PCDH9: variants seen among roughly 807,000 people sequenced by gnomAD.
PCDH9 encodes the protein protocadherin 9.
In PCDH9, 24 loss-of-function variants were observed where a neutral mutation model predicts 70.6. The observed-to-expected ratio is 0.34, with a 90% CI of 0.25 to 0.48. The LOEUF (loss-of-function observed/expected upper bound fraction) is 0.48. PCDH9 is among the 20% of genes least tolerant of loss of function. PCDH9 has a pLI of 0.99. For synonymous variants in PCDH9, 562 were observed against 558.5 expected (o/e 1.01, Z -0.09); for missense variants, 1,281 against 1,503.6 (o/e 0.85, Z 2.45).
intron 2 of PCDH9, among the ~76,000 whole-genome samples, chr13:67,006,208 C>G (rs1280168576): frequency 1.3e-5 from 2 of 151,960 alleles, no homozygotes; most frequent in Non-Finnish European, 2.9e-5. Flanking sequence ...GCCTGGGCGA[C>G]AGAGAGAGAC....
At chr13:67,183,885 C>T (rs1484962685) in intron 2 of PCDH9, among the ~76,000 whole-genome samples, 5 of 152,066 alleles carry the variant, frequency 3.3e-5, no homozygotes, top group African/African-American at 1.2e-4. Context: ...TATTATGTCC[C>T]TTTGGTGAGT....
chr13:66,683,357 C>T (rs571061080), intron 3 of PCDH9, among the ~76,000 whole-genome samples: 2 of 152,248 alleles, frequency 1.3e-5, no homozygotes, highest in South Asian at 2.1e-4. Context: ...TACCACATTG[C>T]CTTCAATAGC....
intron 4 of PCDH9, among the ~76,000 whole-genome samples, chr13:66,362,170 A>G (rs1201513532): frequency 2.0e-5 from 3 of 152,174 alleles, no homozygotes; most frequent in African/African-American, 7.2e-5. Flanking sequence ...AAAATTGATT[A>G]ATAAAATTGT....
intron 4 of PCDH9, among the ~76,000 whole-genome samples, chr13:66,412,657 T>C (rs1043353463): frequency 1.6e-4 from 24 of 152,214 alleles, no homozygotes; most frequent in African/African-American, 5.1e-4. Context: ...AATTGAACAA[T>C]GCTATTAAGT....
chr13:66,485,680 C>T (rs1958924828), intron 4 of PCDH9, among the ~76,000 whole-genome samples: 1 of 151,928 alleles, frequency 6.6e-6, no homozygotes, highest in Non-Finnish European at 1.5e-5. Flanking sequence ...TTTATTTTAA[C>T]TAATAAATTA....
intron 4 of PCDH9, among the ~76,000 whole-genome samples, chr13:66,470,095 T>C (rs1227973190): frequency 6.6e-6 from 1 of 152,192 alleles, no homozygotes. Flanking sequence ...GATTTTGTTC[T>C]TGGTAAGTGC....
chr13:66,403,947 G>T (rs2138303544), intron 4 of PCDH9, among the ~76,000 whole-genome samples: 1 of 152,158 alleles, frequency 6.6e-6, no homozygotes, highest in East Asian at 1.9e-4. Flanking sequence ...TGTTTTTCAG[G>T]TAATCATACA....
At chr13:66,455,663 T>C (rs1958304364) in intron 4 of PCDH9, among the ~76,000 whole-genome samples, 2 of 152,146 alleles carry the variant, frequency 1.3e-5, no homozygotes, top group African/African-American at 4.8e-5. Flanking sequence ...TCTATATTTT[T>C]AGAATAAAAC....
At chr13:67,205,763 G>A (rs2089324304) in intron 2 of PCDH9, 1 of 151,994 alleles carries the variant, frequency 6.6e-6, no homozygotes, top group Admixed American at 6.6e-5. Context: ...ACCTTTAAAT[G>A]GACCTCCAAT....
intron 4 of PCDH9, among the ~76,000 whole-genome samples, chr13:66,367,260 TAAC>T (rs1177957871): frequency 6.6e-6 from 1 of 152,114 alleles, no homozygotes; most frequent in African/African-American, 2.4e-5. Context: ...TTTCCAAAAA[TAAC>T]TAATAGGGAG....
intron 3 of PCDH9, among the ~76,000 whole-genome samples, chr13:66,704,486 C>A (rs983488388): frequency 2.2e-4 from 34 of 152,212 alleles, no homozygotes; most frequent in African/African-American, 7.5e-4. Flanking sequence ...TGGATTTATT[C>A]ATTCCTAAAC....
chr13:66,992,234 T>G (rs1457072941), intron 2 of PCDH9, among the ~76,000 whole-genome samples: 1 of 152,202 alleles, frequency 6.6e-6, no homozygotes, highest in African/African-American at 2.4e-5. Flanking sequence ...TACTGATAAC[T>G]GCACTCTTCA....
At chr13:66,581,921 T>C (rs979348863) in intron 4 of PCDH9, among the ~76,000 whole-genome samples, 1 of 152,190 alleles carries the variant, frequency 6.6e-6, no homozygotes, top group Non-Finnish European at 1.5e-5. Context: ...TGACTATTCA[T>C]ATGGATATGG....
At chr13:66,745,587 C>A (rs1261432741) in intron 3 of PCDH9, among the ~76,000 whole-genome samples, 1 of 152,132 alleles carries the variant, frequency 6.6e-6, no homozygotes, top group East Asian at 1.9e-4. Context: ...GGAGAGCTTT[C>A]ACCAACACAC....
chr13:66,898,114 C>G (rs1047147177), intron 3 of PCDH9, among the ~76,000 whole-genome samples: 2 of 151,942 alleles, frequency 1.3e-5, no homozygotes, highest in Non-Finnish European at 2.9e-5. Context: ...TTCTCTAATA[C>G]TTGTTATATA....
intron 4 of PCDH9, among the ~76,000 whole-genome samples, chr13:66,619,952 T>C (rs750842708): frequency 6.6e-6 from 1 of 152,182 alleles, no homozygotes; most frequent in Non-Finnish European, 1.5e-5. Flanking sequence ...CAGTTTTCAA[T>C]TTCCAATTTT....
chr13:66,720,161 AT>A (rs67065154), intron 3 of PCDH9, among the ~76,000 whole-genome samples: 99 of 149,798 alleles, frequency 6.6e-4, no homozygotes, highest in Non-Finnish European at 1.3e-3. Flanking sequence ...TTTTATTTTT[AT>A]TTTTTTTTGA....
At chr13:66,420,462 C>G (rs1261750461) in intron 4 of PCDH9, among the ~76,000 whole-genome samples, 1 of 152,112 alleles carries the variant, frequency 6.6e-6, no homozygotes, top group African/African-American at 2.4e-5. Context: ...TGTGATGAAG[C>G]TTGATGAAGC....
intron 3 of PCDH9, among the ~76,000 whole-genome samples, chr13:66,826,548 A>T (rs917105011): frequency 1.1e-4 from 17 of 152,308 alleles, no homozygotes; most frequent in African/African-American, 3.8e-4. Flanking sequence ...TACTCAATAT[A>T]TATTTATGAG....
Sources: gnomAD v4.1 joint callset for allele counts (sites outside exome capture counted in the v4.1 genomes callset) on GRCh38, gnomAD v4.1.1 for gene constraint, MANE v1.5 for transcripts, NCBI Gene and HGNC (gene_info 2026-07-23, HGNC 2026-07-21) for gene names.